The following RHOT1 variants were observed in gnomAD, a reference collection of about 807,000 sequenced individuals.
RHOT1 encodes mitochondrial Rho GTPase 1.
RHOT1 carries 27 observed loss-of-function variants against 95.3 expected under a neutral mutation model. That is an observed-to-expected ratio of 0.28 (90% confidence interval 0.21 to 0.39). The LOEUF (loss-of-function observed/expected upper bound fraction) is 0.39. Ranked by LOEUF, RHOT1 falls within the 10% of genes least tolerant of loss-of-function variation. RHOT1 has a pLI of 1.00. For missense variants in RHOT1, 578 were observed against 786.7 expected, an observed-to-expected ratio of 0.73 and a Z score of 3.17; for synonymous variants, 227 against 263.5, an observed-to-expected ratio of 0.86 and a Z score of 1.34.
At chr17:32,164,888 G>A (rs1404265875) in intron 1 of RHOT1, among the ~76,000 whole-genome samples, 2 of 151,730 alleles carry the variant, frequency 1.3e-5, no homozygotes, top group East Asian at 3.9e-4. Flanking sequence ...GCTGGGTGTG[G>A]TGGCTCACAC....
intron 1 of RHOT1, among the ~76,000 whole-genome samples, chr17:32,166,731 T>C (rs1022080852): frequency 3.3e-5 from 5 of 152,238 alleles, no homozygotes; most frequent in South Asian, 2.1e-4. Context: ...TATTATGAGA[T>C]TGCAGCAATT....
chr17:32,153,501 A>C (rs1185658466), intron 1 of RHOT1, among the ~76,000 whole-genome samples: 4 of 152,170 alleles, frequency 2.6e-5, no homozygotes, highest in African/African-American at 7.2e-5. Context: ...TGTACAAACA[A>C]TTTTTAAAAT....
At position 32,193,262 on chromosome 17, in the gene RHOT1, T is replaced by G; in HGVS notation, c.748+18T>G. 1 of 1,514,506 alleles carries G rather than the reference T, an allele frequency of 6.6e-7. No homozygotes were observed. The highest frequency in any genetic ancestry group is 9.2e-7 in the Non-Finnish European group (1 of 1,090,910). 93.8% of individuals were successfully genotyped at this position (1,514,506 alleles called of 1,614,324 possible). On this transcript the variant is annotated intron_variant, in intron 10 of 19. Coordinates refer to ENST00000545287, the MANE Select transcript of RHOT1 (RefSeq NM_001033566.3). ...CCTGAAAGGTGGGTAAATGGTATTT[T>G]TCCCCCTTTTGAAACTTAATATTTT... is the stretch of plus-strand genomic sequence containing the variant.
chr17:32,192,967 T>C (rs2036609306), intron 9 of RHOT1, among the ~76,000 whole-genome samples, 169 bp from the exon 10 acceptor site: 2 of 152,228 alleles, frequency 1.3e-5, no homozygotes, highest in African/African-American at 4.8e-5. Context: ...ACCCAGCCCA[T>C]GTTTTACTTA....
chr17:32,200,884 G>A, intron 13 of RHOT1, 72 bp from the exon 14 acceptor site: 2 of 1,092,730 alleles, frequency 1.8e-6, no homozygotes, highest in Non-Finnish European at 2.8e-6. Flanking sequence ...AGTTTTTTTA[G>A]CTATTGGCTT....
chr17:32,149,609 A>ATGTGTGTG (rs1429872003), intron 1 of RHOT1, among the ~76,000 whole-genome samples: 1 of 76,976 alleles, frequency 1.3e-5, no homozygotes, highest in African/African-American at 9.5e-5. Context: ...ATATATATAT[A>ATGTGTGTG]TATATATATA....
intron 19 of RHOT1, among the ~76,000 whole-genome samples, chr17:32,218,944 A>G (rs1444501403): frequency 6.6e-6 from 1 of 152,208 alleles, no homozygotes; most frequent in East Asian, 1.9e-4. Flanking sequence ...TGGTAACTTT[A>G]GATACACTTC....
At chr17:32,206,866 A>G in intron 16 of RHOT1, 44 bp from the exon 17 acceptor site, 1 of 1,340,810 alleles carries the variant, frequency 7.5e-7, no homozygotes, top group Non-Finnish European at 1.0e-6. Context: ...TAATATATCA[A>G]TATTATGATA....
intron 2 of RHOT1, among the ~76,000 whole-genome samples, chr17:32,172,586 A>G (rs2034667878): frequency 6.6e-6 from 1 of 152,250 alleles, no homozygotes. Flanking sequence ...TAATCCCAGC[A>G]CTTTGGGAGG....
At position 32,200,981 on chromosome 17, in the gene RHOT1, C is replaced by T. The variant is rs766940712; in HGVS notation, c.1126C>T (p.Arg376Trp). The change falls in exon 14 of 20, where the codon CGG (arginine) becomes TGG (tryptophan). Residue 376 changes from arginine to tryptophan, a missense_variant. Physicochemically the swap from Arg to Trp is moderately radical, Grantham distance 101. Coordinates refer to ENST00000545287, the MANE Select transcript of RHOT1 (RefSeq NM_001033566.3). The stretch of plus-strand genomic sequence containing the variant: ...GCTCACGACTTATTTAGATGTACAG[C>T]GGTGCCTGGAATATTTGGGCTATCT... ...WTLTTYLDVQRCLEYLGYLGY... is the reference protein window; with the variant it reads ...WTLTTYLDVQWCLEYLGYLGY... 11 of 1,611,138 alleles carry T rather than the reference C, an allele frequency of 6.8e-6. No homozygotes were observed. The South Asian group carries it at 7.7e-5, about 11-fold the overall frequency.
chr17:32,203,272 T>TTCTTCTTC (rs2037464308), intron 15 of RHOT1, among the ~76,000 whole-genome samples: 1 of 73,942 alleles, frequency 1.4e-5, no homozygotes, highest in Non-Finnish European at 2.4e-5. Flanking sequence ...TCTTCTTCTT[T>TTCTTCTTC]TTTTTTTTTT....
chr17:32,152,948 T>G (rs140346082), intron 1 of RHOT1, among the ~76,000 whole-genome samples: 2 of 152,130 alleles, frequency 1.3e-5, no homozygotes, highest in African/African-American at 4.8e-5. Context: ...CATATAGGCA[T>G]GCATCGCCAT....
At chr17:32,192,750 C>T (rs904455206) in intron 9 of RHOT1, among the ~76,000 whole-genome samples, 1 of 151,234 alleles carries the variant, frequency 6.6e-6, no homozygotes, top group African/African-American at 2.4e-5. Context: ...CGGCTCACTG[C>T]AACCTCCGCT....
At chr17:32,149,617 A>G (rs1371583906) in intron 1 of RHOT1, among the ~76,000 whole-genome samples, 5,140 of 83,252 alleles carry the variant, frequency 0.062, 576 homozygotes, top group African/African-American at 0.31. Flanking sequence ...ATATATATAT[A>G]TATATATATA....
intron 4 of RHOT1, among the ~76,000 whole-genome samples, 199 bp from the exon 5 acceptor site, chr17:32,175,763 T>C (rs999104224): frequency 2.0e-5 from 3 of 152,230 alleles, no homozygotes; most frequent in African/African-American, 7.2e-5. Context: ...TTGTTATGGC[T>C]GTTACTGAGT....
At chr17:32,150,559 C>G in intron 1 of RHOT1, 1 of 1,562,612 alleles carries the variant, frequency 6.4e-7, no homozygotes, top group Admixed American at 1.7e-5. Flanking sequence ...TACAGCTAGA[C>G]CAGCAAAGGT....
In RHOT1 at chr17:32,151,604, C is replaced by A. The variant is rs544246658; in HGVS notation, c.37+8875C>A. ...CTTTTTAAAAAAAGGAAATCATGGC[C>A]CGGAGCAGTGGCTCACGCCTGTAAT... On this transcript the variant is annotated intron_variant, in intron 1 of 19. Transcript: ENST00000545287. The A allele has an allele frequency of 1.4e-5, 4 of 290,432 alleles. No individual in the cohort carries two copies. In the Admixed American group the frequency reaches 2.1e-4, roughly 15 times the overall value. 18.0% of individuals were successfully genotyped at this position (290,432 alleles called of 1,614,324 possible). A position where few individuals can be genotyped will look rare whatever the true frequency, so the allele number is the denominator to read the frequency against.
Position 32,187,226 on chromosome 17 carries a change from G to A in RHOT1, c.540+3954G>A, listed in dbSNP as rs570006906. ...CATTTGAATCTGGGAGGTGGAGGTT[G>A]CAGTGAGCTGAGATTGCACCACTGC... On this transcript the variant is annotated intron_variant, in intron 8 of 19. Transcript: ENST00000545287. 1.3e-4 allele frequency among the ~76,000 whole-genome samples: 20 copies of A among 152,230 alleles called. No homozygotes were observed. In the South Asian group the frequency reaches 4.2e-3, roughly 32 times the overall value.
intron 1 of RHOT1, among the ~76,000 whole-genome samples, chr17:32,166,317 G>A (rs1041583422): frequency 6.6e-6 from 1 of 152,072 alleles, no homozygotes; most frequent in African/African-American, 2.4e-5. Flanking sequence ...GATCATCTGA[G>A]CCTTCAGTGA....
Sources: gnomAD v4.1 joint callset for allele counts (sites outside exome capture counted in the v4.1 genomes callset) on GRCh38, gnomAD v4.1.1 for gene constraint, MANE v1.5 for transcripts, NCBI Gene and HGNC (gene_info 2026-07-23, HGNC 2026-07-21) for gene names.